Variants in ZNF609 observed in about 807,000 individuals in gnomAD.
ZNF609 encodes zinc finger protein 609.
ZNF609 carries 11 observed loss-of-function variants against 109.5 expected under a neutral mutation model. The ratio of observed to expected loss-of-function variants is 0.10; its 90% CI spans 0.06 to 0.17. ZNF609 has a LOEUF of 0.17. Among genes scored for constraint, ZNF609 ranks in the 10% least tolerant of loss-of-function variants. The pLI, the probability that ZNF609 is intolerant of heterozygous loss-of-function variation, is 1.00. For missense variants in ZNF609, 1,559 were observed against 1,772.4 expected (o/e 0.88, Z 2.16); for synonymous variants, 646 against 662.0 (o/e 0.98, Z 0.37).
intron 2 of ZNF609, among the ~76,000 whole-genome samples, chr15:64,614,810 CTTTTTTTTTTT>C (rs71133459): frequency 2.9e-5 from 1 of 34,374 alleles, no homozygotes; most frequent in African/African-American, 8.1e-5. Context: ...TAACATCTCG[CTTTTTTTTTTT>C]TTTTTTTTTT....
chr15:64,470,009 G>C (rs1042040328), intron 1 of ZNF609, among the ~76,000 whole-genome samples: 1 of 152,168 alleles, frequency 6.6e-6, no homozygotes, highest in Non-Finnish European at 1.5e-5. Flanking sequence ...TTCCACTTTT[G>C]ACTAGTCAGT....
chr15:64,526,082 G>A (rs1216653306), intron 2 of ZNF609, among the ~76,000 whole-genome samples: 3 of 150,426 alleles, frequency 2.0e-5, no homozygotes, highest in Non-Finnish European at 3.0e-5. Flanking sequence ...GAGCTACCAC[G>A]CTCAGCCCTG....
In ZNF609 at chr15:64,676,254, CA is replaced by C. The variant is rs1425109582; in HGVS notation, c.3401del (p.Gln1134ArgfsTer34). 6.3e-7 allele frequency: 1 copy of C among 1,596,668 alleles called. No homozygotes were observed. Among genetic ancestry groups the C allele is most frequent in the Admixed American group, 1.8e-5 (1 of 56,196 alleles). ...AEMDPILWYR[Q>X]EAEPRMWTYV... ...GATGGATCCAATACTCTGGTACCGA[CA>C]GGTAACTGTTGCCCTGGGAGGAAGT... On this transcript the variant is annotated frameshift_variant and splice_region_variant, in exon 5 of 10. Coordinates refer to ENST00000326648, the MANE Select transcript of ZNF609 (RefSeq NM_015042.2). LOFTEE classifies it high-confidence loss of function.
At chr15:64,624,891 T>A (rs868679904) in intron 3 of ZNF609, among the ~76,000 whole-genome samples, 1 of 151,590 alleles carries the variant, frequency 6.6e-6, no homozygotes, top group Admixed American at 6.6e-5. Flanking sequence ...TCCTGAGTAG[T>A]GGGGACTACA....
intron 1 of ZNF609, among the ~76,000 whole-genome samples, chr15:64,496,990 T>C (rs1375436174): frequency 6.6e-6 from 1 of 152,138 alleles, no homozygotes; most frequent in Non-Finnish European, 1.5e-5. Context: ...AATTTTTGTA[T>C]TTTTTATAGA....
At chr15:64,561,559 T>C (rs936315225) in intron 2 of ZNF609, among the ~76,000 whole-genome samples, 2 of 150,186 alleles carry the variant, frequency 1.3e-5, no homozygotes, top group Admixed American at 6.6e-5. Context: ...TTTCTTTTTT[T>C]TTTTTTTTTT....
At chr15:64,485,219 C>T (rs1248382037) in intron 1 of ZNF609, among the ~76,000 whole-genome samples, 1 of 151,262 alleles carries the variant, frequency 6.6e-6, no homozygotes, top group African/African-American at 2.4e-5. Flanking sequence ...TTAATGAATA[C>T]ATGCAAAGAA....
At chr15:64,634,015 T>G (rs2140985281) in intron 3 of ZNF609, among the ~76,000 whole-genome samples, 1 of 152,310 alleles carries the variant, frequency 6.6e-6, no homozygotes, top group East Asian at 1.9e-4. Context: ...ACTAGTGGCT[T>G]ATGGTATTGA....
At chr15:64,648,138 C>A (rs182956286) in intron 3 of ZNF609, among the ~76,000 whole-genome samples, 1 of 152,102 alleles carries the variant, frequency 6.6e-6, no homozygotes, top group Non-Finnish European at 1.5e-5. Context: ...ACCGAAAATA[C>A]GAGCTCCTGA....
chr15:64,603,923 G>A (rs138864468), intron 2 of ZNF609, among the ~76,000 whole-genome samples: 34 of 146,810 alleles, frequency 2.3e-4, no homozygotes, highest in African/African-American at 8.6e-4. Context: ...GCTTGAACCC[G>A]GGAGGTAAAG....
chr15:64,589,476 A>G (rs182453742), intron 2 of ZNF609, among the ~76,000 whole-genome samples: 171 of 152,340 alleles, frequency 1.1e-3, no homozygotes, highest in African/African-American at 4.1e-3. Flanking sequence ...GCTCTATGCA[A>G]TACACACTAG....
In ZNF609 at chr15:64,670,504, C is replaced by T. The variant is rs952569017; in HGVS notation, c.1061+71C>T. 6.1e-6 allele frequency: 8 copies of T among 1,301,812 alleles called. No homozygotes were observed. The Admixed American group carries it at 6.8e-5, about 11-fold the overall frequency. The allele number at this position is 1,301,812 out of a possible 1,614,324, so 80.6% of individuals were successfully genotyped here. On this transcript the variant is annotated intron_variant, in intron 4 of 9. Transcript: ENST00000326648. ...AATTGGTGATCCCTTATACTTTTAT[C>T]CTGCTAGAGTTGTACATCCAGCTTT...
chr15:64,662,141 C>T (rs1257441615), intron 3 of ZNF609, among the ~76,000 whole-genome samples: 1 of 152,168 alleles, frequency 6.6e-6, no homozygotes, highest in Non-Finnish European at 1.5e-5. Flanking sequence ...GCTTCAGTTG[C>T]TGGCCTCGTG....
intron 2 of ZNF609, among the ~76,000 whole-genome samples, chr15:64,556,663 A>C (rs920805177): frequency 3.9e-5 from 6 of 152,194 alleles, no homozygotes; most frequent in African/African-American, 1.4e-4. Context: ...AGTCTTTCAC[A>C]TAATGCCAGT....
chr15:64,676,263 G>C lies in ZNF609; in HGVS notation c.3402+7G>C, dbSNP rs373076494. ...AATACTCTGGTACCGACAGGTAACT[G>C]TTGCCCTGGGAGGAAGTGGAAATAC... is the stretch of plus-strand genomic sequence containing the variant. On this transcript the variant is annotated splice_region_variant and intron_variant, in intron 5 of 9. Transcript: ENST00000326648. The C allele has an allele frequency of 1.1e-5, 17 of 1,588,576 alleles. No individual in the cohort carries two copies. Among genetic ancestry groups the C allele is most frequent in the Non-Finnish European group, 1.5e-5 (17 of 1,168,102 alleles).
At chr15:64,511,147 C>A (rs1284527828) in intron 2 of ZNF609, among the ~76,000 whole-genome samples, 1 of 151,398 alleles carries the variant, frequency 6.6e-6, no homozygotes, top group Non-Finnish European at 1.5e-5. Context: ...CTGAATCAAA[C>A]CTTAGTGAAA....
intron 1 of ZNF609, among the ~76,000 whole-genome samples, chr15:64,493,413 A>G (rs897046920): frequency 6.6e-6 from 1 of 152,224 alleles, no homozygotes; most frequent in Non-Finnish European, 1.5e-5. Flanking sequence ...ATGATTTACA[A>G]TGTACAAGCC....
intron 2 of ZNF609, among the ~76,000 whole-genome samples, chr15:64,586,277 G>A (rs966996538): frequency 2.7e-5 from 4 of 150,606 alleles, no homozygotes; most frequent in Non-Finnish European, 5.9e-5. Flanking sequence ...GGTGAGCCGA[G>A]ATCGCGCCAT....
intron 2 of ZNF609, among the ~76,000 whole-genome samples, chr15:64,611,680 A>C (rs1045253413): frequency 2.6e-5 from 4 of 152,286 alleles, no homozygotes; most frequent in Admixed American, 6.5e-5. Context: ...AAAACAAACA[A>C]AAATCAAAAG....
Sources: allele counts gnomAD v4.1 joint callset (sites outside exome capture counted in the v4.1 genomes callset), GRCh38; gene constraint gnomAD v4.1.1; transcripts MANE v1.5; gene names NCBI Gene and HGNC (gene_info 2026-07-23, HGNC 2026-07-21).